The following BBS9 variants were observed in gnomAD, a reference collection of about 807,000 sequenced individuals.
BBS9 encodes protein PTHB1.
A neutral mutation model predicts 117.7 loss-of-function variants in BBS9; 89 were observed. That is an observed-to-expected ratio of 0.76 (90% CI 0.64 to 0.90). BBS9 has a LOEUF of 0.90. Among genes scored for constraint, BBS9 ranks in the 40% least tolerant of loss-of-function variants. The pLI, the probability that BBS9 is intolerant of heterozygous loss-of-function variation, is 0.00. For synonymous variants in BBS9, 379 were observed against 370.9 expected, an observed-to-expected ratio of 1.02 and a Z score of -0.25; for missense variants, 982 against 1,042.2, an observed-to-expected ratio of 0.94 and a Z score of 0.80.
chr7:33,559,498 T>G (rs1855772242), intron 21 of BBS9, among the ~76,000 whole-genome samples: 1 of 152,144 alleles, frequency 6.6e-6, no homozygotes, highest in Non-Finnish European at 1.5e-5. Context: ...GAGGCTTGAC[T>G]GGCCGAAGCT....
chr7:33,522,562 T>C (rs965412969), intron 20 of BBS9, among the ~76,000 whole-genome samples: 2 of 152,216 alleles, frequency 1.3e-5, no homozygotes, highest in African/African-American at 4.8e-5. Context: ...GAAGTGTCTG[T>C]TCATGTCCTT....
At chr7:33,233,105 G>T (rs1262719925) in intron 5 of BBS9, among the ~76,000 whole-genome samples, 1 of 152,068 alleles carries the variant, frequency 6.6e-6, no homozygotes, top group African/African-American at 2.4e-5. Context: ...AATAGGGGGG[G>T]TTGAGAAATG....
intron 19 of BBS9, among the ~76,000 whole-genome samples, chr7:33,392,641 A>G (rs1827254905): frequency 6.6e-6 from 1 of 152,196 alleles, no homozygotes. Context: ...CCTTCTTTCA[A>G]CATATATTAA....
intron 19 of BBS9, among the ~76,000 whole-genome samples, chr7:33,438,665 A>G (rs972534280): frequency 1.3e-5 from 2 of 152,236 alleles, no homozygotes; most frequent in African/African-American, 2.4e-5. Context: ...TGGCAAATAC[A>G]TGGAGCAATG....
rs115368826 is a variant in BBS9 at position 33,626,344 on chromosome 7, G to T, written c.2522-8833G>T. On this transcript the variant is annotated intron_variant, in intron 21 of 21. Transcript: ENST00000671952. ...CTTTATAAATTATCCAGTCTCATGT[G>T]GTTCCTTATAGCAATGCAAGAACAG... 3.0e-3 allele frequency among the ~76,000 whole-genome samples: 462 copies of T among 152,258 alleles called. 2 individuals carry two copies. Among genetic ancestry groups the T allele is most frequent in the African/African-American group, 0.01 (421 of 41,548 alleles).
At chr7:33,534,965 T>C (rs1851150242) in intron 21 of BBS9, among the ~76,000 whole-genome samples, 1 of 152,174 alleles carries the variant, frequency 6.6e-6, no homozygotes, top group Non-Finnish European at 1.5e-5. Flanking sequence ...TTTCTCTTCT[T>C]CCTTCTTACA....
chr7:33,292,439 C>G (rs1584137878), intron 9 of BBS9, among the ~76,000 whole-genome samples: 1 of 152,182 alleles, frequency 6.6e-6, no homozygotes, highest in South Asian at 2.1e-4. Context: ...GTTGGCCAGG[C>G]TGGTCTTGAA....
intron 9 of BBS9, among the ~76,000 whole-genome samples, chr7:33,294,933 A>C (rs548345676): frequency 9.9e-5 from 15 of 152,192 alleles, no homozygotes; most frequent in Non-Finnish European, 1.9e-4. Flanking sequence ...TTCTTTCCTA[A>C]GTAAACTTGC....
chr7:33,396,605 A>G (rs1474899345), intron 19 of BBS9, among the ~76,000 whole-genome samples: 1 of 152,176 alleles, frequency 6.6e-6, no homozygotes, highest in Non-Finnish European at 1.5e-5. Context: ...GATTAACGCT[A>G]TTCCCATTAA....
In BBS9 at chr7:33,527,323, A is replaced by T. The variant is rs1367704745; in HGVS notation, c.2299-6631A>T. Among the ~76,000 whole-genome samples the T allele has an allele frequency of 4.6e-5, 7 of 152,116 alleles. No homozygotes were observed. In the South Asian group the frequency reaches 6.2e-4, roughly 14 times the overall value. On this transcript the variant is annotated intron_variant, in intron 20 of 22. Transcript: ENST00000242067. Reference sequence around the variant, plus strand: ...TTTGTTTACCTAAGCAAGCCTGGGCAATGGTGGGCGCCCCTCCCCCAGCCT... The same window carrying T: ...TTTGTTTACCTAAGCAAGCCTGGGCTATGGTGGGCGCCCCTCCCCCAGCCT...
At chr7:33,432,213 G>A (rs905758958) in intron 19 of BBS9, among the ~76,000 whole-genome samples, 10 of 149,956 alleles carry the variant, frequency 6.7e-5, no homozygotes, top group South Asian at 2.1e-4. Context: ...GGTTCACGCC[G>A]TTCTCTTGCC....
At chr7:33,446,780 G>T (rs1584863207) in intron 19 of BBS9, among the ~76,000 whole-genome samples, 1 of 152,184 alleles carries the variant, frequency 6.6e-6, no homozygotes, top group African/African-American at 2.4e-5. Flanking sequence ...AAATTGGGTT[G>T]TTTGCTTTTC....
At chr7:33,223,787 C>T (rs1187159749) in intron 5 of BBS9, among the ~76,000 whole-genome samples, 2 of 151,980 alleles carry the variant, frequency 1.3e-5, no homozygotes, top group Non-Finnish European at 2.9e-5. Context: ...TGAATGGAAT[C>T]CTAAAAGCTC....
intron 19 of BBS9, among the ~76,000 whole-genome samples, chr7:33,451,316 A>T (rs923360008): frequency 1.3e-5 from 2 of 152,212 alleles, no homozygotes; most frequent in Non-Finnish European, 2.9e-5. Context: ...TCTTCTAAAA[A>T]TTATAGTTTC....
intron 18 of BBS9, among the ~76,000 whole-genome samples, chr7:33,384,631 G>A (rs1245015400): frequency 3.3e-5 from 5 of 151,830 alleles, no homozygotes; most frequent in African/African-American, 9.7e-5. Context: ...AGAGAATTTT[G>A]AACATTATCC....
intron 5 of BBS9, among the ~76,000 whole-genome samples, chr7:33,254,977 T>C (rs1432708963): frequency 6.6e-6 from 1 of 152,162 alleles, no homozygotes; most frequent in Non-Finnish European, 1.5e-5. Context: ...ATGTCTATTT[T>C]AGTCCTTTGC....
At chr7:33,573,953 A>G (rs1458765361) in intron 21 of BBS9, among the ~76,000 whole-genome samples, 2 of 152,112 alleles carry the variant, frequency 1.3e-5, no homozygotes, top group South Asian at 2.1e-4. Flanking sequence ...TGGCGCTGCT[A>G]TCTTTGTCTT....
At chr7:33,500,720 C>G (rs528777841) in intron 19 of BBS9, among the ~76,000 whole-genome samples, 88 of 152,142 alleles carry the variant, frequency 5.8e-4, no homozygotes, top group Admixed American at 5.8e-3. Context: ...TGGACATGTC[C>G]GTGTTCACAT....
At chr7:33,511,609 C>T (rs189690589) in intron 20 of BBS9, among the ~76,000 whole-genome samples, 37 of 152,298 alleles carry the variant, frequency 2.4e-4, no homozygotes, top group African/African-American at 8.9e-4. Context: ...TAGTACTGAA[C>T]TTAAAAATCC....
Sources: gnomAD v4.1 joint callset for allele counts (sites outside exome capture counted in the v4.1 genomes callset) on GRCh38, gnomAD v4.1.1 for gene constraint, MANE v1.5 for transcripts, NCBI Gene and HGNC (gene_info 2026-07-23, HGNC 2026-07-21) for gene names.